The following CPAP variants were observed in gnomAD, a reference collection of about 807,000 sequenced individuals.
CPAP encodes centrosomal P4.1-associated protein.
the CPAP span, among the ~76,000 whole-genome samples, chr13:24,926,410 C>A: frequency 1.3e-5 from 2 of 152,028 alleles, no homozygotes; most frequent in African/African-American, 4.8e-5. Flanking sequence ...GAAGAAGGCA[C>A]GTTAGACCAA....
At chr13:24,908,789 G>C in the CPAP span, among the ~76,000 whole-genome samples, 2 of 151,924 alleles carry the variant, frequency 1.3e-5, no homozygotes, top group Non-Finnish European at 2.9e-5. Context: ...AGATATTTTG[G>C]GATAACTGGG....
At chr13:24,883,138 A>AAAG in the CPAP span, 1 of 1,543,540 alleles carries the variant, frequency 6.5e-7, no homozygotes, top group East Asian at 2.2e-5. Context: ...TTTAACATAA[A>AAAG]AAGTCAGTTA....
Sources: allele counts gnomAD v4.1 joint callset (sites outside exome capture counted in the v4.1 genomes callset), GRCh38; gene constraint gnomAD v4.1.1; transcripts MANE v1.5; gene names NCBI Gene and HGNC (gene_info 2026-07-23, HGNC 2026-07-21).